The following PCK1 variants were observed in gnomAD, a reference collection of about 807,000 sequenced individuals.
PCK1 encodes phosphoenolpyruvate carboxykinase 1.
Under a neutral mutation model 50.3 loss-of-function variants are expected in PCK1, and 44 were observed. The ratio of observed to expected loss-of-function variants is 0.87; its 90% confidence interval spans 0.69 to 1.12. The LOEUF (loss-of-function observed/expected upper bound fraction) is 1.12. Among genes scored for constraint, PCK1 ranks in the 50% most tolerant of loss-of-function variants. PCK1 has a pLI of 0.00. For missense variants in PCK1, 790 were observed against 815.0 expected, an observed-to-expected ratio of 0.97 and a Z score of 0.37; for synonymous variants, 332 against 314.3, an observed-to-expected ratio of 1.06 and a Z score of -0.59.
chr20:57,562,315 C>A, intron 3 of PCK1, 63 bp downstream of exon 3: 1 of 1,370,956 alleles, frequency 7.3e-7, no homozygotes, highest in Non-Finnish European at 1.0e-6. Context: ...TTACATCTAT[C>A]CTAATGGTAA....
In PCK1 at chr20:57,562,224, C is replaced by A. The variant is rs2070152573; in HGVS notation, c.378C>A (p.Phe126Leu). The change falls in exon 3 of 10, where the codon TTC becomes TTA. Residue 126 changes from phenylalanine to leucine, a missense_variant. Physicochemically the swap from Phe to Leu is conservative, Grantham distance 22. Transcript: ENST00000319441. ...CAGAGGAGGATTTTGAGAAAGCGTT[C>A]AATGCCAGGTTCCCAGGGTGCATGA... ...WMSEEDFEKAFNARFPGCMKG... is the reference protein window; with the variant it reads ...WMSEEDFEKALNARFPGCMKG... The A allele has an allele frequency of 6.2e-7, 1 of 1,614,012 alleles. No individual in the cohort carries two copies. Among genetic ancestry groups the A allele is most frequent in the Admixed American group, 1.7e-5 (1 of 60,004 alleles).
chr20:57,565,466 A>G lies in PCK1; in HGVS notation c.1531A>G (p.Ile511Val), dbSNP rs140394821. The G allele has an allele frequency of 7.4e-6, 12 of 1,614,188 alleles. No homozygotes were observed. Among genetic ancestry groups the G allele is most frequent in the Non-Finnish European group, 1.0e-5 (12 of 1,180,022 alleles). The change falls in exon 10 of 10, where the codon ATC becomes GTC. Residue 511 changes from isoleucine (I) to valine (V), a missense_variant. By Grantham distance (29) the Ile-to-Val change is conservative. Transcript: ENST00000319441. Reference protein sequence around the residue: ...AQHPAAKLPKIFHVNWFRKDK... With the variant: ...AQHPAAKLPKVFHVNWFRKDK... The stretch of plus-strand genomic sequence containing the variant: ...GCACCCAGCAGCCAAACTGCCCAAG[A>G]TCTTCCATGTCAACTGGTTCCGGAA...
intron 9 of PCK1, 58 bp downstream of exon 9, chr20:57,565,193 A>G: frequency 7.3e-7 from 1 of 1,374,552 alleles, no homozygotes; most frequent in Non-Finnish European, 1.0e-6. Flanking sequence ...ACTCTTCGTC[A>G]CTCTTATGTC....
At position 57,562,710 on chromosome 20, in the gene PCK1, G is replaced by T. The variant is rs752677950; in HGVS notation, c.421G>T (p.Val141Phe). The T allele has an allele frequency of 1.2e-6, 2 of 1,613,870 alleles. No individual in the cohort carries two copies. Among genetic ancestry groups the T allele is most frequent in the South Asian group, 2.2e-5 (2 of 91,064 alleles). The change falls in exon 4 of 10, where the codon GTC becomes TTC. Residue 141 changes from valine to phenylalanine, a missense_variant. Coordinates refer to ENST00000319441, the MANE Select transcript of PCK1 (RefSeq NM_002591.4). ...PGCMKGRTMYVIPFSMGPLGS... is the reference protein window; with the variant it reads ...PGCMKGRTMYFIPFSMGPLGS... ...GCACCCTGTAGGTCGCACCATGTAC[G>T]TCATCCCATTCAGCATGGGGCCGCT... is the stretch of plus-strand genomic sequence containing the variant.
intron 9 of PCK1, 102 bp from the exon 10 acceptor site, chr20:57,565,246 GAA>G (rs2070192259): frequency 2.3e-6 from 3 of 1,280,216 alleles, no homozygotes; most frequent in South Asian, 2.5e-5. Flanking sequence ...GAGAGAGAGA[GAA>G]AGAGAGAGAG....
intron 3 of PCK1, 66 bp downstream of exon 3, chr20:57,562,318 AATGG>A: frequency 7.4e-7 from 1 of 1,357,518 alleles, no homozygotes; most frequent in Middle Eastern, 1.8e-4. Context: ...CATCTATCCT[AATGG>A]TAATTCAAAC....
In PCK1 at chr20:57,561,650, C is replaced by A; in HGVS notation, c.224+15C>A. 6.4e-7 allele frequency: 1 copy of A among 1,563,852 alleles called. No individual in the cohort carries two copies. The highest frequency in any genetic ancestry group is 2.2e-4 in the Middle Eastern group (1 of 4,566). On this transcript the variant is annotated intron_variant, in intron 2 of 9. Transcript: ENST00000319441. The stretch of plus-strand genomic sequence containing the variant: ...TATGACAACTGGTAAGCTCGGCCCC[C>A]GCTGCCTGTCCCAGCACCCTGCAGG...
rs774522183 is a variant in PCK1, at chr20:57,562,805, C to T, written c.516C>T (p.Ile172=). 4 of 1,614,098 alleles carry T rather than the reference C, an allele frequency of 2.5e-6. No homozygotes were observed. In the East Asian group the frequency reaches 6.7e-5, roughly 27 times the overall value. Residue 172 remains isoleucine (I), a synonymous_variant, in exon 4 of 10, where the codon ATC becomes ATT. Transcript: ENST00000319441. ...CCTACGTGGTGGCCAGCATGCGGATCATGACGCGGATGGGCACGCCCGTCC... is the reference window on the plus strand; with the variant it reads ...CCTACGTGGTGGCCAGCATGCGGATTATGACGCGGATGGGCACGCCCGTCC... ...DSPYVVASMR[I]MTRMGTPVLE...
At position 57,563,210 on chromosome 20, in the gene PCK1, A is replaced by G. The variant is rs200745451; in HGVS notation, c.793A>G (p.Met265Val). Reference sequence around the variant, plus strand: ...GGAGGAAGGGTGGCTGGCAGAGCACATGCTGGTGAGCCTGCAGGAAGCCCT... The same window carrying G: ...GGAGGAAGGGTGGCTGGCAGAGCACGTGCTGGTGAGCCTGCAGGAAGCCCT... ...AKEEGWLAEH[M>V]LILGITNPEG... The change falls in exon 5 of 10, where the codon ATG (methionine) becomes GTG (valine). Residue 265 changes from methionine (M) to valine (V), a missense_variant. Coordinates refer to ENST00000319441, the MANE Select transcript of PCK1 (RefSeq NM_002591.4). 2 of 1,613,430 alleles carry G rather than the reference A, an allele frequency of 1.2e-6. No homozygotes were observed. The highest frequency in any genetic ancestry group is 1.3e-5 in the African/African-American group (1 of 75,062).
Position 57,562,690 on chromosome 20 carries a change from CT to C in PCK1, c.407-5del, listed in dbSNP as rs1281162158. The stretch of plus-strand genomic sequence containing the variant: ...CTCACCAGTGCCCACCCATCGCACC[CT>C]GTAGGTCGCACCATGTACGTCATCC... On this transcript the variant is annotated splice_polypyrimidine_tract_variant and splice_region_variant and intron_variant, in intron 3 of 9. Coordinates refer to ENST00000319441, the MANE Select transcript of PCK1 (RefSeq NM_002591.4). 2 of 1,612,698 alleles carry C rather than the reference CT, an allele frequency of 1.2e-6. No individual in the cohort carries two copies. Among genetic ancestry groups the C allele is most frequent in the African/African-American group, 2.7e-5 (2 of 74,922 alleles).
intron 3 of PCK1, 25 bp downstream of exon 3, chr20:57,562,277 G>T (rs751084889): frequency 2.8e-5 from 45 of 1,594,398 alleles, no homozygotes; most frequent in Admixed American, 1.0e-4. Flanking sequence ...GATTTGATTG[G>T]GTAAAACAGC....
Position 57,564,327 on chromosome 20 carries a change from G to A in PCK1, c.1120G>A (p.Asp374Asn), listed in dbSNP as rs1298925180. The A allele has an allele frequency of 6.2e-7, 1 of 1,614,044 alleles. No homozygotes were observed. Among genetic ancestry groups the A allele is most frequent in the African/African-American group, 1.3e-5 (1 of 74,926 alleles). The change falls in exon 7 of 10, where the codon GAT becomes AAT. Residue 374 changes from aspartate (D) to asparagine (N), a missense_variant. Physicochemically the swap from Asp to Asn is conservative, Grantham distance 23. Coordinates refer to ENST00000319441, the MANE Select transcript of PCK1 (RefSeq NM_002591.4). Reference protein sequence around the residue: ...SDGGVYWEGIDEPLASGVTIT... With the variant: ...SDGGVYWEGINEPLASGVTIT... ...CGGGGGCGTTTACTGGGAAGGCATT[G>A]ATGAGCCGCTAGCTTCAGGTGTCAC...
At position 57,564,488 on chromosome 20, in the gene PCK1, C is replaced by T. The variant is rs778520298; in HGVS notation, c.1193C>T (p.Pro398Leu). The change falls in exon 8 of 10, where the codon CCT (proline) becomes CTT (leucine). Residue 398 changes from proline to leucine, a missense_variant. Physicochemically the swap from Pro to Leu is moderately conservative, Grantham distance 98. Transcript: ENST00000319441. ...NKEWSSEDGE[P>L]CAHPNSRFCT... ...GCCTTTCTCTGTCTTATAGGGGAAC[C>T]TTGTGCCCACCCCAACTCGAGGTTC... The T allele has an allele frequency of 1.2e-6, 2 of 1,614,182 alleles. No homozygotes were observed. Among genetic ancestry groups the T allele is most frequent in the African/African-American group, 1.3e-5 (1 of 75,038 alleles).
At position 57,562,126 on chromosome 20, in the gene PCK1, A is replaced by T; in HGVS notation, c.280A>T (p.Ile94Phe). 6.2e-7 allele frequency: 1 copy of T among 1,614,204 alleles called. No individual in the cohort carries two copies. The highest frequency in any genetic ancestry group is 8.5e-7 in the Non-Finnish European group (1 of 1,180,016). ...GGCCAGGATCGAAAGCAAGACGGTT[A>T]TCGTCACCCAAGAGCAAAGAGACAC... ...DVARIESKTV[I>F]VTQEQRDTVP... Residue 94 changes from isoleucine (I) to phenylalanine (F), a missense_variant, in exon 3 of 10, where the codon ATC (isoleucine) becomes TTC (phenylalanine). Ile to Phe is a conservative substitution (Grantham distance 21). Coordinates refer to ENST00000319441, the MANE Select transcript of PCK1 (RefSeq NM_002591.4).
chr20:57,562,269 T>C lies in PCK1; in HGVS notation c.406+17T>C, dbSNP rs997885637. 1.2e-6 allele frequency: 2 copies of C among 1,606,772 alleles called. No individual in the cohort carries two copies. Among genetic ancestry groups the C allele is most frequent in the Admixed American group, 3.3e-5 (2 of 59,926 alleles). ...GCATGAAAGGTGAGCGGAACATTGA[T>C]TTGATTGGGTAAAACAGCAGAGAGC... On this transcript the variant is annotated intron_variant, in intron 3 of 9. Coordinates refer to ENST00000319441, the MANE Select transcript of PCK1 (RefSeq NM_002591.4).
At position 57,565,460 on chromosome 20, in the gene PCK1, C is replaced by T. The variant is rs2146530961; in HGVS notation, c.1525C>T (p.Pro509Ser). ...SMAQHPAAKL[P>S]KIFHVNWFRK... Reference sequence around the variant, plus strand: ...GGCCCAGCACCCAGCAGCCAAACTGCCCAAGATCTTCCATGTCAACTGGTT... The same window carrying T: ...GGCCCAGCACCCAGCAGCCAAACTGTCCAAGATCTTCCATGTCAACTGGTT... Residue 509 changes from proline to serine, a missense_variant, in exon 10 of 10, where the codon CCC becomes TCC. Coordinates refer to ENST00000319441, the MANE Select transcript of PCK1 (RefSeq NM_002591.4). The T allele has an allele frequency of 1.2e-6, 2 of 1,614,158 alleles. No individual in the cohort carries two copies. The highest frequency in any genetic ancestry group is 1.7e-6 in the Non-Finnish European group (2 of 1,179,998).
chr20:57,565,990 C>T lies in PCK1; in HGVS notation c.*186C>T. On this transcript the variant is annotated 3_prime_UTR_variant, in exon 10 of 10. Transcript: ENST00000319441. Reference sequence around the variant, plus strand: ...AGAACCACAGAACACTGGGTAGTAGCTAATGAAATTGAGAAGGGAAATCTT... The same window carrying T: ...AGAACCACAGAACACTGGGTAGTAGTTAATGAAATTGAGAAGGGAAATCTT... 2.0e-6 allele frequency: 1 copy of T among 498,992 alleles called. No homozygotes were observed. Among genetic ancestry groups the T allele is most frequent in the Non-Finnish European group, 3.5e-6 (1 of 286,226 alleles). The allele number at this position is 498,992 out of a possible 1,614,324, so 30.9% of individuals were successfully genotyped here.
chr20:57,563,699 C>T lies in PCK1; in HGVS notation c.933C>T (p.Asp311=), dbSNP rs1233403876. 2.5e-6 allele frequency: 4 copies of T among 1,612,272 alleles called. No individual in the cohort carries two copies. The highest frequency in any genetic ancestry group is 3.4e-6 in the Non-Finnish European group (4 of 1,179,222). Residue 311 remains aspartate (D), a synonymous_variant, in exon 6 of 10, where the codon GAC becomes GAT. Coordinates refer to ENST00000319441, the MANE Select transcript of PCK1 (RefSeq NM_002591.4). ...GGAAGGTTGAGTGCGTCGGGGATGA[C>T]ATTGCCTGGATGAAGTTTGACGCAC... ...PGWKVECVGD[D]IAWMKFDAQG... is the part of the protein sequence containing the mutation.
At chr20:57,563,320 G>C (rs2070170313) in intron 5 of PCK1, 105 bp downstream of exon 5, 3 of 1,113,438 alleles carry the variant, frequency 2.7e-6, no homozygotes, top group African/African-American at 3.1e-5. Flanking sequence ...TGAGCGTGCA[G>C]GTTCCCGGAC....
Sources: allele counts gnomAD v4.1 joint callset, GRCh38; gene constraint gnomAD v4.1.1; transcripts MANE v1.5; gene names NCBI Gene and HGNC (gene_info 2026-07-23, HGNC 2026-07-21).